ARMC3: variants seen among roughly 807,000 people sequenced by gnomAD.
ARMC3 encodes armadillo repeat containing 3, also known as armadillo repeat-containing protein 3.
A neutral mutation model predicts 90.3 loss-of-function variants in ARMC3; 74 were observed. The ratio of observed to expected loss-of-function variants is 0.82; its 90% CI spans 0.68 to 0.99. The LOEUF is 0.99. Among genes scored for constraint, ARMC3 ranks in the 50% least tolerant of loss-of-function variants. ARMC3 has a pLI of 0.00. For missense variants in ARMC3, 958 were observed against 1,042.8 expected, an observed-to-expected ratio of 0.92 and a Z score of 1.12; for synonymous variants, 334 against 361.8, an observed-to-expected ratio of 0.92 and a Z score of 0.87.
At chr10:22,992,721 A>G (rs2131379115) in intron 10 of ARMC3, among the ~76,000 whole-genome samples, 1 of 152,222 alleles carries the variant, frequency 6.6e-6, no homozygotes, top group East Asian at 1.9e-4. Context: ...GAAATTGACC[A>G]ATTTAGCAAA....
At chr10:23,013,418 T>A (rs1838113711) in intron 16 of ARMC3, among the ~76,000 whole-genome samples, 2 of 152,170 alleles carry the variant, frequency 1.3e-5, no homozygotes, top group African/African-American at 4.8e-5. Context: ...TTTGTGCCCA[T>A]TTTTTTGTGA....
intron 16 of ARMC3, among the ~76,000 whole-genome samples, chr10:23,016,004 C>T (rs1173285261): frequency 6.6e-6 from 1 of 152,104 alleles, no homozygotes; most frequent in Non-Finnish European, 1.5e-5. Context: ...TACACACACT[C>T]ACACACACTC....
At chr10:23,028,551 T>C (rs1564405474) in intron 16 of ARMC3, among the ~76,000 whole-genome samples, 1 of 152,342 alleles carries the variant, frequency 6.6e-6, no homozygotes, top group South Asian at 2.1e-4. Flanking sequence ...AAGAGTCTTA[T>C]TTATGGGTTT....
chr10:22,961,628 G>C (rs1564355205), intron 6 of ARMC3: 1 of 349,420 alleles, frequency 2.9e-6, no homozygotes, highest in Non-Finnish European at 5.1e-6. Context: ...AGGATTTGCT[G>C]TATAATAAAC....
intron 8 of ARMC3, among the ~76,000 whole-genome samples, chr10:22,977,792 T>C (rs1835998683): frequency 6.6e-6 from 1 of 152,210 alleles, no homozygotes. Context: ...AGATAGATGA[T>C]TCCACGAAGA....
At chr10:22,929,344 A>AGG (rs1403789078) in intron 1 of ARMC3, among the ~76,000 whole-genome samples, 15 of 151,660 alleles carry the variant, frequency 9.9e-5, no homozygotes, top group Non-Finnish European at 1.3e-4. Flanking sequence ...AGGAAAGGAA[A>AGG]AGAAAAGAAA....
At chr10:22,975,962 T>C (rs1358112036) in intron 8 of ARMC3, among the ~76,000 whole-genome samples, 1 of 152,224 alleles carries the variant, frequency 6.6e-6, no homozygotes, top group African/African-American at 2.4e-5. Flanking sequence ...GGGCCTAGTT[T>C]TAATGAATAG....
At chr10:23,032,438 G>T (rs1434249700) in intron 17 of ARMC3, among the ~76,000 whole-genome samples, 1 of 152,110 alleles carries the variant, frequency 6.6e-6, no homozygotes, top group Non-Finnish European at 1.5e-5. Flanking sequence ...TGTTTGTCTT[G>T]TCTCTGAGTT....
At chr10:22,961,820 T>A in intron 6 of ARMC3, 64 bp from the exon 7 acceptor site, 1 of 1,342,042 alleles carries the variant, frequency 7.5e-7, no homozygotes, top group South Asian at 1.4e-5. Flanking sequence ...GAAAACAGAA[T>A]TTCTCCATTC....
At position 23,037,679 on chromosome 10, in the gene ARMC3, CT is replaced by C. The variant is rs1178438761; in HGVS notation, c.*202del. ...TTCAGGCTTTTGGCAAGAGTTCTGT[CT>C]TATTAGGTCATTTTCCGCTCACTGA... On this transcript the variant is annotated 3_prime_UTR_variant, in exon 19 of 19. Transcript: ENST00000298032. 1.7e-5 allele frequency: 9 copies of C among 532,220 alleles called. No homozygotes were observed. In the East Asian group the frequency reaches 2.8e-4, roughly 16 times the overall value. 33.0% of individuals were successfully genotyped at this position (532,220 alleles called of 1,614,324 possible).
intron 8 of ARMC3, among the ~76,000 whole-genome samples, chr10:22,974,154 T>G (rs1011940976): frequency 2.0e-5 from 3 of 152,224 alleles, no homozygotes; most frequent in Admixed American, 6.5e-5. Flanking sequence ...TAGCTTTTGA[T>G]TCTAATTTGA....
rs1304857751 is a variant in ARMC3, at chr10:23,002,654, G to A, written c.1563-592G>A. Among the ~76,000 whole-genome samples, 6 of 146,848 alleles carry A rather than the reference G, an allele frequency of 4.1e-5. No individual in the cohort carries two copies. In the East Asian group the frequency reaches 6.0e-4, roughly 15 times the overall value. On this transcript the variant is annotated intron_variant, in intron 12 of 18. Coordinates refer to ENST00000298032, the MANE Select transcript of ARMC3 (RefSeq NM_173081.5). ...CTCGCTCTGTTGCCCAGGCTAAAGT[G>A]CAGTGGTGCAATCTCAGCTCACTGC... is the stretch of plus-strand genomic sequence containing the variant.
intron 16 of ARMC3, chr10:23,014,594 T>C (rs1838180920): frequency 2.9e-6 from 2 of 679,390 alleles, no homozygotes; most frequent in South Asian, 6.4e-5. Flanking sequence ...ATGTGGTACA[T>C]ATACACCACG....
At chr10:22,974,630 G>GTTTTT (rs67925451) in intron 8 of ARMC3, among the ~76,000 whole-genome samples, 50 of 148,842 alleles carry the variant, frequency 3.4e-4, no homozygotes, top group Admixed American at 6.1e-4. Flanking sequence ...TCTAAAATCT[G>GTTTTT]TTTTTTTTTG....
intron 3 of ARMC3, among the ~76,000 whole-genome samples, chr10:22,952,048 C>T (rs1459588950): frequency 6.6e-6 from 1 of 152,054 alleles, no homozygotes; most frequent in African/African-American, 2.4e-5. Flanking sequence ...TCTCTTGAAC[C>T]AGGGAGGTGG....
At chr10:23,036,636 G>C (rs1391906133) in intron 18 of ARMC3, among the ~76,000 whole-genome samples, 2 of 152,184 alleles carry the variant, frequency 1.3e-5, no homozygotes, top group Admixed American at 1.3e-4. Context: ...TCCAGACCCA[G>C]GCAGGCTAAG....
At chr10:23,022,752 A>G (rs1192457691) in intron 16 of ARMC3, among the ~76,000 whole-genome samples, 1 of 152,118 alleles carries the variant, frequency 6.6e-6, no homozygotes, top group East Asian at 1.9e-4. Context: ...GCTGGGCAGG[A>G]GTAGCAAGAG....
intron 1 of ARMC3, among the ~76,000 whole-genome samples, chr10:22,928,470 G>A (rs1207968053): frequency 2.0e-5 from 3 of 151,900 alleles, no homozygotes; most frequent in Admixed American, 6.6e-5. Context: ...AAAATCATAG[G>A]CTGAACGTTC....
At chr10:22,945,539 C>T (rs1386720226) in intron 2 of ARMC3, among the ~76,000 whole-genome samples, 1 of 152,098 alleles carries the variant, frequency 6.6e-6, no homozygotes, top group Non-Finnish European at 1.5e-5. Flanking sequence ...AGGTTTTATT[C>T]AATTTTACAT....
Sources: gnomAD v4.1 joint callset for allele counts (sites outside exome capture counted in the v4.1 genomes callset) on GRCh38, gnomAD v4.1.1 for gene constraint, MANE v1.5 for transcripts, NCBI Gene and HGNC (gene_info 2026-07-23, HGNC 2026-07-21) for gene names.